MCTP1: variants seen among roughly 807,000 people sequenced by gnomAD.
MCTP1 encodes the protein multiple C2 and transmembrane domain-containing protein 1.
Under a neutral mutation model 120.6 loss-of-function variants are expected in MCTP1, and 69 were observed. The observed-to-expected ratio is 0.57, with a 90% CI of 0.47 to 0.70. The LOEUF (loss-of-function observed/expected upper bound fraction) is 0.70. Among genes scored for constraint, MCTP1 ranks in the 30% least tolerant of loss-of-function variants. The pLI, the probability that MCTP1 is intolerant of heterozygous loss-of-function variation, is 0.00. For synonymous variants in MCTP1, 529 were observed against 493.1 expected (o/e 1.07, Z -0.96); for missense variants, 1,203 against 1,248.8 (o/e 0.96, Z 0.55).
chr5:95,111,034 A>G (rs925239034), intron 1 of MCTP1, among the ~76,000 whole-genome samples: 1 of 152,192 alleles, frequency 6.6e-6, no homozygotes, highest in Admixed American at 6.5e-5. Context: ...CCTGGTACTA[A>G]TAATGTGAAG....
intron 1 of MCTP1, among the ~76,000 whole-genome samples, chr5:95,225,548 T>TATATATA (rs1413926851): frequency 6.6e-6 from 1 of 152,186 alleles, no homozygotes; most frequent in Non-Finnish European, 1.5e-5. Context: ...ATATATCCAT[T>TATATATA]GTCCTATACT....
chr5:95,071,946 A>G (rs577154614), intron 1 of MCTP1, among the ~76,000 whole-genome samples: 8 of 152,358 alleles, frequency 5.3e-5, no homozygotes, highest in Non-Finnish European at 1.2e-4. Context: ...TACATGTAAA[A>G]GTCCATCTAG....
At chr5:95,173,835 A>G (rs1166327753) in intron 1 of MCTP1, among the ~76,000 whole-genome samples, 2 of 150,592 alleles carry the variant, frequency 1.3e-5, no homozygotes, top group Admixed American at 6.7e-5. Flanking sequence ...ATACTTAAAA[A>G]AAAAAAAGCA....
intron 17 of MCTP1, among the ~76,000 whole-genome samples, chr5:94,834,568 T>C (rs1278256959): frequency 6.6e-6 from 1 of 152,116 alleles, no homozygotes; most frequent in East Asian, 1.9e-4. Context: ...AAAGCTGCAA[T>C]GAATTAATTT....
chr5:94,989,577 G>C (rs1372332115), intron 2 of MCTP1, among the ~76,000 whole-genome samples: 1 of 152,144 alleles, frequency 6.6e-6, no homozygotes, highest in Admixed American at 6.6e-5. Flanking sequence ...TGACACAAAA[G>C]CTTCTAAGAC....
At chr5:95,051,257 C>G (rs4869119) in intron 1 of MCTP1, among the ~76,000 whole-genome samples, 83,678 of 152,036 alleles carry the variant, frequency 0.55, 25,820 homozygotes, top group Non-Finnish European at 0.7. Context: ...TTGGCCAAAG[C>G]CTGCCTTGTA....
At chr5:95,061,978 C>T (rs1749357702) in intron 1 of MCTP1, among the ~76,000 whole-genome samples, 3 of 152,190 alleles carry the variant, frequency 2.0e-5, no homozygotes, top group African/African-American at 7.2e-5. Flanking sequence ...TGTACTTCTT[C>T]ACTGTACTAA....
At chr5:94,738,760 T>A (rs1764848600) in intron 19 of MCTP1, among the ~76,000 whole-genome samples, 1 of 152,184 alleles carries the variant, frequency 6.6e-6, no homozygotes, top group African/African-American at 2.4e-5. Context: ...TTCTGTAATG[T>A]GAAAAACACC....
intron 2 of MCTP1, chr5:94,979,070 C>A (rs1480247039): frequency 6.6e-6 from 1 of 151,948 alleles, no homozygotes; most frequent in Non-Finnish European, 1.5e-5. Flanking sequence ...CCATAGAGGA[C>A]AATGAATAAG....
chr5:94,894,584 G>T, intron 11 of MCTP1, 65 bp downstream of exon 11: 1 of 1,220,346 alleles, frequency 8.2e-7, no homozygotes, highest in South Asian at 2.0e-5. Flanking sequence ...TGTCCCTCCA[G>T]GTAAATTGTT....
At chr5:95,060,940 C>CAAAAAAAA (rs34418928) in intron 1 of MCTP1, among the ~76,000 whole-genome samples, 1 of 117,016 alleles carries the variant, frequency 8.5e-6, no homozygotes. Flanking sequence ...TGCCACTCCA[C>CAAAAAAAA]AAAAAAAAAA....
rs867083995 is a variant in MCTP1, at chr5:95,111,589, C to A, written c.721-94105G>T. ...TCACCCATTTTAAATTTGCATGATGCTCATCAAATATCAAGGTCAGATTAA... is the reference window on the plus strand; with the variant it reads ...TCACCCATTTTAAATTTGCATGATGATCATCAAATATCAAGGTCAGATTAA... On this transcript the variant is annotated intron_variant, in intron 1 of 22. Coordinates refer to ENST00000515393, the MANE Select transcript of MCTP1 (RefSeq NM_024717.7). Among the ~76,000 whole-genome samples the A allele has an allele frequency of 4.6e-5, 7 of 152,220 alleles. No individual in the cohort carries two copies. The South Asian group carries it at 1.5e-3, about 32-fold the overall frequency.
At chr5:95,166,160 T>G (rs1476275260) in intron 1 of MCTP1, 6 of 152,244 alleles carry the variant, frequency 3.9e-5, no homozygotes, top group Non-Finnish European at 7.3e-5. Context: ...GCTCCAGTGT[T>G]GTATAGGTGA....
At chr5:95,232,892 G>A (rs1755123306) in intron 1 of MCTP1, among the ~76,000 whole-genome samples, 1 of 152,076 alleles carries the variant, frequency 6.6e-6, no homozygotes. Context: ...ATAATAATGT[G>A]GCCAGTGTAC....
At chr5:95,071,346 G>A (rs1474572005) in intron 1 of MCTP1, among the ~76,000 whole-genome samples, 3 of 152,212 alleles carry the variant, frequency 2.0e-5, no homozygotes, top group Non-Finnish European at 4.4e-5. Flanking sequence ...GCCAGATGCT[G>A]TGCTGGGTAC....
At chr5:94,719,583 C>G (rs1760370890) in intron 19 of MCTP1, among the ~76,000 whole-genome samples, 1 of 152,094 alleles carries the variant, frequency 6.6e-6, no homozygotes, top group African/African-American at 2.4e-5. Context: ...AACCAAACAC[C>G]ACATGTTCTC....
At chr5:94,713,191 T>A (rs892885676) in intron 20 of MCTP1, among the ~76,000 whole-genome samples, 4 of 152,118 alleles carry the variant, frequency 2.6e-5, no homozygotes, top group Admixed American at 1.3e-4. Flanking sequence ...ATGCTTTTAA[T>A]TCCATGTGAC....
intron 1 of MCTP1, among the ~76,000 whole-genome samples, chr5:95,048,869 G>A (rs550345587): frequency 2.6e-5 from 4 of 152,176 alleles, no homozygotes; most frequent in South Asian, 4.2e-4. Flanking sequence ...GAAAAGAAAG[G>A]GGAAGTCAAA....
chr5:94,893,205 A>G (rs1803087105), intron 11 of MCTP1, among the ~76,000 whole-genome samples: 1 of 152,224 alleles, frequency 6.6e-6, no homozygotes, highest in South Asian at 2.1e-4. Context: ...AAAAAGAAAA[A>G]AAATTAATAA....
Sources: gnomAD v4.1 joint callset for allele counts (sites outside exome capture counted in the v4.1 genomes callset) on GRCh38, gnomAD v4.1.1 for gene constraint, MANE v1.5 for transcripts, NCBI Gene and HGNC (gene_info 2026-07-23, HGNC 2026-07-21) for gene names.